Variants in LRRCC1 observed in about 807,000 individuals in gnomAD.
The protein encoded by LRRCC1 is leucine rich repeat and coiled-coil centrosomal protein 1, also known as leucine-rich repeat and coiled-coil domain-containing protein 1.
LRRCC1 carries 115 observed loss-of-function variants against 126.0 expected under a neutral mutation model. That is an observed-to-expected ratio of 0.91 (90% CI 0.78 to 1.07). The LOEUF is 1.07. LRRCC1 is among the 50% of genes least tolerant of loss of function. The pLI, the probability that LRRCC1 is intolerant of heterozygous loss-of-function variation, is 0.00. For missense variants in LRRCC1, 1,172 were observed against 1,175.7 expected (o/e 1.00, Z 0.05); for synonymous variants, 400 against 393.4 (o/e 1.02, Z -0.20).
Position 85,138,449 on chromosome 8 carries a change from A to C in LRRCC1, c.2814A>C (p.Glu938Asp). The C allele has an allele frequency of 6.2e-7, 1 of 1,611,512 alleles. No individual in the cohort carries two copies. Among genetic ancestry groups the C allele is most frequent in the Non-Finnish European group, 8.5e-7 (1 of 1,179,308 alleles). ...FENKEKKLKA[E>D]RDKSIELQKN... ...ACAAGGAAAAGAAACTTAAAGCGGA[A>C]AGAGACAAAAGTATTGAACTACAAA... The change falls in exon 17 of 19, where the codon GAA (glutamate) becomes GAC (aspartate). Residue 938 changes from glutamate to aspartate, a missense_variant. Glu to Asp is a conservative substitution (Grantham distance 45). Coordinates refer to ENST00000360375, the MANE Select transcript of LRRCC1 (RefSeq NM_033402.5).
rs1587401264 is a variant in LRRCC1, at chr8:85,124,648, TGAA to T, written c.1125-142_1125-140del. On this transcript the variant is annotated intron_variant, in intron 7 of 18. Coordinates refer to ENST00000360375, the MANE Select transcript of LRRCC1 (RefSeq NM_033402.5). ...CAGAGCACACCCATTATAAAATTTATGAAGCAGTTTGTCCAAGTTACTATAATT... is the reference window on the plus strand; with the variant it reads ...CAGAGCACACCCATTATAAAATTTATGCAGTTTGTCCAAGTTACTATAATT... 6.7e-6 allele frequency: 3 copies of T among 451,020 alleles called. No homozygotes were observed. The East Asian group carries it at 1.1e-4, about 17-fold the overall frequency. The allele number at this position is 451,020 out of a possible 1,614,324, so 27.9% of individuals were successfully genotyped here.
Position 85,118,069 on chromosome 8 carries a change from T to C in LRRCC1, c.930+2485T>C, listed in dbSNP as rs547090141. ...TCCAGAGGCAATCACTTTTCTTATT[T>C]TTTGTCTACCATATATTATTTAATA... On this transcript the variant is annotated intron_variant, in intron 6 of 18. Transcript: ENST00000360375. Among the ~76,000 whole-genome samples, 10 of 152,236 alleles carry C rather than the reference T, an allele frequency of 6.6e-5. No individual in the cohort carries two copies. The South Asian group carries it at 2.1e-3, about 32-fold the overall frequency.
At chr8:85,142,705 C>CT (rs1433181070) in intron 18 of LRRCC1, among the ~76,000 whole-genome samples, 1 of 151,980 alleles carries the variant, frequency 6.6e-6, no homozygotes, top group African/African-American at 2.4e-5. Context: ...TGGCGCATGC[C>CT]TGTAGTCACA....
chr8:85,107,530 T>C, intron 1 of LRRCC1, 131 bp downstream of exon 1: 3 of 759,120 alleles, frequency 4.0e-6, no homozygotes, highest in Non-Finnish European at 6.1e-6. Flanking sequence ...CAGTCTGGCT[T>C]TCGGCCTCCC....
chr8:85,129,519 C>T, intron 10 of LRRCC1, 140 bp downstream of exon 10: 1 of 691,160 alleles, frequency 1.4e-6, no homozygotes, highest in South Asian at 2.1e-5. Context: ...ATTTAACGGT[C>T]ACATAGCCTG....
At chr8:85,139,367 C>T (rs56095525) in intron 17 of LRRCC1, among the ~76,000 whole-genome samples, 1 of 152,010 alleles carries the variant, frequency 6.6e-6, no homozygotes, top group Non-Finnish European at 1.5e-5. Flanking sequence ...TGGGTTCAAG[C>T]GATTCTCCTG....
Position 85,109,763 on chromosome 8 carries a change from A to G in LRRCC1, c.273A>G (p.Thr91=). ...TAAACACACTGACAAAACTGTGCAC[A>G]TTAAATTTGTCCTGCAATTTGATTA... is the stretch of plus-strand genomic sequence containing the variant. ...EGLNTLTKLC[T]LNLSCNLITK... Residue 91 remains threonine, a synonymous_variant, in exon 2 of 19, where the codon ACA becomes ACG. Transcript: ENST00000360375. 3 of 1,587,400 alleles carry G rather than the reference A, an allele frequency of 1.9e-6. No individual in the cohort carries two copies. Among genetic ancestry groups the G allele is most frequent in the Non-Finnish European group, 2.6e-6 (3 of 1,163,712 alleles).
chr8:85,129,520 A>T, intron 10 of LRRCC1, 141 bp downstream of exon 10: 2 of 689,552 alleles, frequency 2.9e-6, no homozygotes, highest in Non-Finnish European at 4.9e-6. Flanking sequence ...TTTAACGGTC[A>T]CATAGCCTGT....
intron 6 of LRRCC1, among the ~76,000 whole-genome samples, chr8:85,122,892 T>C (rs1256023858): frequency 1.3e-5 from 2 of 152,248 alleles, no homozygotes; most frequent in African/African-American, 4.8e-5. Context: ...TTGACTCAGA[T>C]TGTATGTTTT....
intron 2 of LRRCC1, 143 bp from the exon 3 acceptor site, chr8:85,109,972 C>T (rs1361641955): frequency 3.3e-6 from 2 of 602,434 alleles, no homozygotes; most frequent in African/African-American, 3.8e-5. Flanking sequence ...TCTGTTTTTT[C>T]TAAATGCCAA....
chr8:85,139,041 T>A (rs918389104), intron 17 of LRRCC1, among the ~76,000 whole-genome samples: 15 of 151,932 alleles, frequency 9.9e-5, no homozygotes, highest in African/African-American at 3.6e-4. Flanking sequence ...AGCGAAACTT[T>A]GTCTCAAAAA....
intron 7 of LRRCC1, among the ~76,000 whole-genome samples, chr8:85,124,431 C>T (rs987960231): frequency 1.3e-5 from 2 of 152,036 alleles, no homozygotes; most frequent in African/African-American, 2.4e-5. Flanking sequence ...CATTGTATGT[C>T]GATTTTAAAC....
chr8:85,123,725 A>G, intron 7 of LRRCC1, 119 bp downstream of exon 7: 1 of 751,978 alleles, frequency 1.3e-6, no homozygotes, highest in South Asian at 2.2e-5. Context: ...TTGATTTTTC[A>G]GCCTTGCAGG....
intron 17 of LRRCC1, among the ~76,000 whole-genome samples, chr8:85,140,696 A>C (rs1811192198): frequency 6.6e-6 from 1 of 152,216 alleles, no homozygotes; most frequent in Non-Finnish European, 1.5e-5. Flanking sequence ...TGTAGTATGC[A>C]CTTCTCAAAT....
At chr8:85,129,151 C>T in intron 9 of LRRCC1, 24 bp from the exon 10 acceptor site, 1 of 1,497,734 alleles carries the variant, frequency 6.7e-7, no homozygotes, top group East Asian at 2.3e-5. Context: ...ATATACTTAA[C>T]ACCACATATA....
chr8:85,130,111 A>C, intron 11 of LRRCC1, 53 bp downstream of exon 11: 57 of 1,301,140 alleles, frequency 4.4e-5, no homozygotes, highest in Non-Finnish European at 5.2e-5. Context: ...AGAAAAAGAA[A>C]GCTACTGGTT....
chr8:85,136,466 G>A (rs575829591), intron 14 of LRRCC1, among the ~76,000 whole-genome samples: 1 of 152,048 alleles, frequency 6.6e-6, no homozygotes, highest in East Asian at 1.9e-4. Context: ...GTATAGACGG[G>A]GTTTAACCAT....
rs1809011145 is a variant in LRRCC1 at position 85,115,158 on chromosome 8, C to T, written c.603C>T (p.Asn201=). The change falls in exon 5 of 19, where the codon AAC becomes AAT. Residue 201 remains asparagine, a synonymous_variant. Coordinates refer to ENST00000360375, the MANE Select transcript of LRRCC1 (RefSeq NM_033402.5). ...LPQLRILDCK[N]IFGEPVNLTE... is the part of the protein sequence containing the mutation. ...AGCTTAGAATCCTAGATTGCAAGAA[C>T]ATATTTGGTGAACCAGTAAATTTGA... 1 of 1,612,904 alleles carries T rather than the reference C, an allele frequency of 6.2e-7. No individual in the cohort carries two copies. Among genetic ancestry groups the T allele is most frequent in the East Asian group, 2.2e-5 (1 of 44,822 alleles).
chr8:85,120,914 A>T (rs371451289), intron 6 of LRRCC1, among the ~76,000 whole-genome samples: 1 of 152,150 alleles, frequency 6.6e-6, no homozygotes, highest in African/African-American at 2.4e-5. Context: ...ATGAATATTT[A>T]TGTATAAGTT....
Sources: gnomAD v4.1 joint callset for allele counts (sites outside exome capture counted in the v4.1 genomes callset) on GRCh38, gnomAD v4.1.1 for gene constraint, MANE v1.5 for transcripts, NCBI Gene and HGNC (gene_info 2026-07-23, HGNC 2026-07-21) for gene names.